Variants in GATA4 observed in about 807,000 individuals in gnomAD.
GATA4 encodes the protein transcription factor GATA-4.
Under a neutral mutation model 37.9 loss-of-function variants are expected in GATA4, and 7 were observed. The observed-to-expected ratio is 0.18, with a 90% CI of 0.11 to 0.35. The LOEUF is 0.35. GATA4 is among the 10% of genes least tolerant of loss of function. GATA4 has a pLI of 1.00. For synonymous variants in GATA4, 372 were observed against 292.6 expected (o/e 1.27, Z -2.77); for missense variants, 647 against 653.0 (o/e 0.99, Z 0.10).
chr8:11,692,426 T>C (rs946039802), upstream of GATA4: 1 of 785,428 alleles, frequency 1.3e-6, no homozygotes, highest in African/African-American at 1.9e-5. Context: ...ACCTATCTTA[T>C]CTATCACTAT....
intron 2 of GATA4, among the ~76,000 whole-genome samples, chr8:11,729,901 T>G (rs1323871029): frequency 6.6e-6 from 1 of 151,864 alleles, no homozygotes; most frequent in Non-Finnish European, 1.5e-5. Flanking sequence ...TTCCTGGATA[T>G]TCCTACCACT....
At chr8:11,679,350 T>G (rs113976324) in intron 1 of GATA4, among the ~76,000 whole-genome samples, 6 of 152,136 alleles carry the variant, frequency 3.9e-5, no homozygotes, top group African/African-American at 1.4e-4. Flanking sequence ...TAGAAGAAAC[T>G]TAAAGGGGGC....
At position 11,708,546 on chromosome 8, in the gene GATA4, G is replaced by T; in HGVS notation, c.234G>T (p.Ala78=). The T allele has an allele frequency of 7.0e-7, 1 of 1,429,842 alleles. No individual in the cohort carries two copies. Among genetic ancestry groups the T allele is most frequent in the Non-Finnish European group, 9.1e-7 (1 of 1,099,418 alleles). The allele number at this position is 1,429,842 out of a possible 1,614,324, so 88.6% of individuals were successfully genotyped here. ...GGSSGGAASG[A]GPGTQQGSPG... is the part of the protein sequence containing the mutation. ...GCTCCGGTGGGGCCGCGTCTGGTGCGGGGCCCGGGACCCAGCAGGGCAGCC... is the reference window on the plus strand; with the variant it reads ...GCTCCGGTGGGGCCGCGTCTGGTGCTGGGCCCGGGACCCAGCAGGGCAGCC... The change falls in exon 2 of 7, where the codon GCG becomes GCT. Residue 78 remains alanine, a synonymous_variant. Coordinates refer to ENST00000532059, the MANE Select transcript of GATA4 (RefSeq NM_001308093.3). The surrounding 1 kb of genome is among the most constrained non-coding windows in gnomAD (Gnocchi z 6.7).
intron 2 of GATA4, among the ~76,000 whole-genome samples, chr8:11,732,619 G>C (rs186738288): frequency 6.6e-6 from 1 of 152,326 alleles, no homozygotes; most frequent in Admixed American, 6.5e-5. Flanking sequence ...TCATGAACAC[G>C]TCAGGTGAAC....
At chr8:11,710,154 G>T (rs993955390) in intron 2 of GATA4, among the ~76,000 whole-genome samples, 7 of 152,134 alleles carry the variant, frequency 4.6e-5, no homozygotes, top group South Asian at 2.1e-4. Context: ...GCCAGGGAAG[G>T]TTCCCGGGGG....
chr8:11,702,474 C>T (rs1024513835), upstream of GATA4, among the ~76,000 whole-genome samples: 1 of 151,692 alleles, frequency 6.6e-6, no homozygotes, highest in African/African-American at 2.4e-5. This position sits in a 1 kb window ranked among gnomAD's most constrained non-coding sequence, Gnocchi z 4.4. Flanking sequence ...TCGCTCGCCC[C>T]CCACGAAGAT....
intron 1 of GATA4, among the ~76,000 whole-genome samples, chr8:11,699,061 C>G (rs147920214): frequency 6.6e-6 from 1 of 152,194 alleles, no homozygotes; most frequent in Non-Finnish European, 1.5e-5. Context: ...AAATTTTAAT[C>G]ATTCACCCAA....
At chr8:11,717,804 T>C (rs1800502938) in intron 2 of GATA4, among the ~76,000 whole-genome samples, 1 of 152,242 alleles carries the variant, frequency 6.6e-6, no homozygotes, top group Non-Finnish European at 1.5e-5. Context: ...ATTCCTCAAC[T>C]GTAAGCTCTG....
At chr8:11,681,733 C>A (rs899726460) in intron 1 of GATA4, among the ~76,000 whole-genome samples, 2 of 152,060 alleles carry the variant, frequency 1.3e-5, no homozygotes, top group Non-Finnish European at 2.9e-5. Context: ...CTTGCTTAAT[C>A]AAAATTCTCC....
At chr8:11,720,785 T>C (rs1017664237) in intron 2 of GATA4, among the ~76,000 whole-genome samples, 3 of 152,150 alleles carry the variant, frequency 2.0e-5, no homozygotes, top group Non-Finnish European at 4.4e-5. Context: ...TCTGGTTTTT[T>C]TTTTATACGG....
chr8:11,692,145 C>A, upstream of GATA4: 1 of 592,708 alleles, frequency 1.7e-6, no homozygotes, highest in Non-Finnish European at 2.1e-6. Context: ...CTAATGGCCT[C>A]AGGTAACAGC....
At chr8:11,691,879 C>T (rs1799325241), upstream of GATA4, 2 of 260,454 alleles carry the variant, frequency 7.7e-6, no homozygotes, top group African/African-American at 4.6e-5. Context: ...TAGGACCTTT[C>T]CCAGTCCAGG....
chr8:11,737,302 G>A (rs991620914), intron 2 of GATA4, among the ~76,000 whole-genome samples: 3 of 152,182 alleles, frequency 2.0e-5, no homozygotes, highest in African/African-American at 4.8e-5. Context: ...CCAGCTGGCT[G>A]CTGCTGCTGC....
At chr8:11,729,318 C>T (rs540534317) in intron 2 of GATA4, among the ~76,000 whole-genome samples, 27 of 152,158 alleles carry the variant, frequency 1.8e-4, no homozygotes, top group East Asian at 5.8e-4. Flanking sequence ...GCCTGTAATC[C>T]CAGCACTTTG....
chr8:11,678,044 AT>A (rs1563181359), intron 1 of GATA4, among the ~76,000 whole-genome samples: 46 of 149,294 alleles, frequency 3.1e-4, no homozygotes, highest in Admixed American at 1.3e-3. Context: ...AATAATAATA[AT>A]AATAATAATA....
chr8:11,747,913 T>G (rs530443370), intron 2 of GATA4, among the ~76,000 whole-genome samples: 1 of 152,218 alleles, frequency 6.6e-6, no homozygotes, highest in Non-Finnish European at 1.5e-5. Flanking sequence ...CAGAATTATA[T>G]AGCTTGGCAA....
upstream of GATA4, among the ~76,000 whole-genome samples, chr8:11,701,500 G>A (rs1799675353): frequency 6.6e-6 from 1 of 152,158 alleles, no homozygotes; most frequent in African/African-American, 2.4e-5. Flanking sequence ...TCCTCCAGCC[G>A]GCGGCCCAGC....
At chr8:11,731,234 T>C (rs1801193571) in intron 2 of GATA4, among the ~76,000 whole-genome samples, 1 of 152,246 alleles carries the variant, frequency 6.6e-6, no homozygotes, top group African/African-American at 2.4e-5. Flanking sequence ...ATTGATGTAT[T>C]TTGAGTTTAC....
chr8:11,741,629 A>G (rs1300027502), intron 2 of GATA4, among the ~76,000 whole-genome samples: 1 of 152,180 alleles, frequency 6.6e-6, no homozygotes, highest in Non-Finnish European at 1.5e-5. Context: ...CTGATCCTGC[A>G]TTTTATGGGG....
Sources: allele counts gnomAD v4.1 joint callset (sites outside exome capture counted in the v4.1 genomes callset), GRCh38; gene constraint gnomAD v4.1.1; non-coding constraint Gnocchi (gnomAD v3.1); transcripts MANE v1.5; gene names NCBI Gene and HGNC (gene_info 2026-07-23, HGNC 2026-07-21).